DRC4: variants seen among roughly 807,000 people sequenced by gnomAD.
The protein encoded by DRC4 is dynein regulatory complex subunit 4.
the DRC4 span, chr16:90,040,497 C>A: frequency 1.2e-6 from 2 of 1,601,412 alleles, no homozygotes; most frequent in African/African-American, 1.3e-5. Context: ...CGCTGGTGTC[C>A]CGCAAGCTGG....
the DRC4 span, chr16:90,042,560 CAG>C: frequency 3.1e-6 from 5 of 1,598,468 alleles, no homozygotes; most frequent in Non-Finnish European, 4.3e-6. Context: ...TGCCCTCCCT[CAG>C]GGGCACCCCC....
the DRC4 span, chr16:90,027,831 A>G: frequency 9.8e-7 from 1 of 1,015,986 alleles, no homozygotes; most frequent in Non-Finnish European, 1.5e-6. Context: ...CTTCTGTCCA[A>G]GCCAGAACAC....
chr16:90,029,500 C>T, the DRC4 span: 17 of 398,740 alleles, frequency 4.3e-5, no homozygotes, highest in Non-Finnish European at 7.6e-5. Context: ...AGTCAGGAGC[C>T]CTGGTTCAGG....
At chr16:90,037,925 G>A in the DRC4 span, 5 of 1,330,796 alleles carry the variant, frequency 3.8e-6, no homozygotes, top group Non-Finnish European at 5.4e-6. Context: ...CAAGGTGAGC[G>A]GGCACTAGGC....
chr16:90,037,948 G>C, the DRC4 span: 1 of 1,051,616 alleles, frequency 9.5e-7, no homozygotes, highest in East Asian at 2.4e-5. Context: ...GCCCTGCAGT[G>C]GGGATGGCAC....
the DRC4 span, chr16:90,028,797 A>T: frequency 1.6e-6 from 1 of 630,770 alleles, no homozygotes. Context: ...ACTCTGTGTT[A>T]TTGTTAATAA....
At chr16:90,030,505 T>TA in the DRC4 span, among the ~76,000 whole-genome samples, 2 of 134,794 alleles carry the variant, frequency 1.5e-5, no homozygotes, top group South Asian at 4.4e-4. Flanking sequence ...CACTCCTGGC[T>TA]AATTTTTTTT....
chr16:90,044,354 G>A, the DRC4 span: 1,135 of 407,842 alleles, frequency 2.8e-3, 10 homozygotes, highest in African/African-American at 0.022. Flanking sequence ...CCTTTCTTTT[G>A]GGAGCTCAAA....
the DRC4 span, chr16:90,036,689 C>A: frequency 1.1e-5 from 11 of 957,784 alleles, no homozygotes; most frequent in Non-Finnish European, 1.8e-5. Flanking sequence ...CCCAACACAC[C>A]CAGTACTTTT....
At chr16:90,043,889 C>T in the DRC4 span, 1 of 455,966 alleles carries the variant, frequency 2.2e-6, no homozygotes. Flanking sequence ...AACGGGCAGG[C>T]AGCCTCCCGC....
the DRC4 span, chr16:90,031,354 G>A: frequency 2.2e-5 from 35 of 1,613,694 alleles, no homozygotes; most frequent in South Asian, 2.6e-4. Flanking sequence ...CGGGAGGAAC[G>A]AAACTACTTC....
chr16:90,042,250 A>C, the DRC4 span: 18 of 598,626 alleles, frequency 3.0e-5, no homozygotes, highest in Admixed American at 3.9e-4. Context: ...CTGTTGCTGG[A>C]GAGGCAGGTT....
the DRC4 span, among the ~76,000 whole-genome samples, chr16:90,027,180 G>C: frequency 6.6e-6 from 1 of 151,788 alleles, no homozygotes; most frequent in East Asian, 1.9e-4. Context: ...CCATGCCCCA[G>C]GTTCAAGCCA....
the DRC4 span, among the ~76,000 whole-genome samples, chr16:90,040,984 A>T: frequency 2.6e-5 from 4 of 152,118 alleles, 1 homozygote; most frequent in African/African-American, 9.7e-5. Flanking sequence ...GGCCAGAGGC[A>T]CTGTGGCCCC....
the DRC4 span, chr16:90,027,812 G>A: frequency 8.2e-7 from 1 of 1,216,610 alleles, no homozygotes. Context: ...CTTGCCATGT[G>A]GATCCACCCT....
chr16:90,025,431 C>T, the DRC4 span, among the ~76,000 whole-genome samples: 7 of 151,266 alleles, frequency 4.6e-5, no homozygotes, highest in South Asian at 1.5e-3. Flanking sequence ...GTGGGCAGAT[C>T]ACGGGTCAGG....
chr16:90,044,606 C>T, the DRC4 span: 1 of 471,080 alleles, frequency 2.1e-6, no homozygotes, highest in South Asian at 1.5e-5. Context: ...AGGACAGTGA[C>T]CATCTGGGTC....
chr16:90,039,799 T>C, the DRC4 span: 2 of 179,016 alleles, frequency 1.1e-5, no homozygotes, highest in Non-Finnish European at 2.4e-5. Context: ...GGCTGGCAGG[T>C]AGCTGGCTCC....
the DRC4 span, chr16:90,027,952 G>A: frequency 2.6e-5 from 14 of 539,426 alleles, no homozygotes; most frequent in Non-Finnish European, 3.7e-5. Flanking sequence ...GGTGGTAGGA[G>A]TGTGGAAGGA....
Sources: allele counts gnomAD v4.1 joint callset (sites outside exome capture counted in the v4.1 genomes callset), GRCh38; gene constraint gnomAD v4.1.1; transcripts MANE v1.5; gene names NCBI Gene and HGNC (gene_info 2026-07-23, HGNC 2026-07-21).